The following CCDC32 variants were observed in gnomAD, a reference collection of about 807,000 sequenced individuals.
CCDC32 encodes the protein coiled-coil domain containing 32, also known as coiled-coil domain-containing protein 32.
A neutral mutation model predicts 20.1 loss-of-function variants in CCDC32; 9 were observed. That is an observed-to-expected ratio of 0.45 (90% CI 0.27 to 0.78). The LOEUF (loss-of-function observed/expected upper bound fraction) is 0.78, where lower values mean the gene tolerates loss of function less well. Among genes scored for constraint, CCDC32 ranks in the 30% least tolerant of loss-of-function variants. CCDC32 has a pLI of 0.16. For synonymous variants in CCDC32, 63 were observed against 79.0 expected (o/e 0.80, Z 1.07); for missense variants, 204 against 215.5 (o/e 0.95, Z 0.33).
downstream of CCDC32, among the ~76,000 whole-genome samples, chr15:40,548,242 CT>C: frequency 6.6e-6 from 1 of 152,272 alleles, no homozygotes. Flanking sequence ...TTGCAGTATT[CT>C]ACATCCTAAG....
At chr15:40,537,136 C>T (rs1889151942), downstream of CCDC32, 1 of 152,334 alleles carries the variant, frequency 6.6e-6, no homozygotes, top group Non-Finnish European at 1.5e-5. Context: ...CCAGGGGCTC[C>T]AGGCCTGGCA....
chr15:40,533,239 G>A (rs1039418079), downstream of CCDC32, among the ~76,000 whole-genome samples: 1 of 152,120 alleles, frequency 6.6e-6, no homozygotes, highest in Non-Finnish European at 1.5e-5. Context: ...TTGGTGTCAG[G>A]GTCGGGGGCA....
chr15:40,548,710 C>T (rs527294918), downstream of CCDC32, among the ~76,000 whole-genome samples: 4 of 152,198 alleles, frequency 2.6e-5, no homozygotes, highest in African/African-American at 7.2e-5. Flanking sequence ...TCTTACATGC[C>T]GGCTCAGAAC....
At chr15:40,531,194 A>C (rs953433025), downstream of CCDC32, 4 of 151,594 alleles carry the variant, frequency 2.6e-5, no homozygotes, top group African/African-American at 9.7e-5. Flanking sequence ...AGGTGGGTGA[A>C]GGATAGGAAA....
At chr15:40,534,783 C>A (rs1889037937), downstream of CCDC32, 1 of 657,568 alleles carries the variant, frequency 1.5e-6, no homozygotes, top group African/African-American at 1.8e-5. Context: ...ACCTAATTAC[C>A]TCCCCAAAGT....
chr15:40,536,027 T>C (rs972065423), downstream of CCDC32: 25 of 152,302 alleles, frequency 1.6e-4, no homozygotes, highest in African/African-American at 6.0e-4. Flanking sequence ...ACTCCCTTAA[T>C]CCAGCAGTGA....
At chr15:40,542,854 G>GAA (rs879726712) in intron 3 of CCDC32, among the ~76,000 whole-genome samples, 3 of 116,626 alleles carry the variant, frequency 2.6e-5, no homozygotes, top group African/African-American at 6.3e-5. Flanking sequence ...TGTCTCAAAA[G>GAA]AAAAAAAAAA....
intron 3 of CCDC32, 47 bp downstream of exon 3, chr15:40,557,169 C>G (rs377405749): frequency 7.7e-6 from 12 of 1,557,378 alleles, no homozygotes; most frequent in African/African-American, 2.8e-5. Context: ...AATAGAACAA[C>G]TACATAAAGG....
intron 3 of CCDC32, among the ~76,000 whole-genome samples, chr15:40,556,311 A>G (rs1163740609): frequency 6.6e-6 from 1 of 152,172 alleles, no homozygotes; most frequent in Non-Finnish European, 1.5e-5. Flanking sequence ...ACATTCTGTC[A>G]CTTCTACTCA....
chr15:40,561,537 G>T (rs1890634876), intron 2 of CCDC32, among the ~76,000 whole-genome samples: 1 of 151,964 alleles, frequency 6.6e-6, no homozygotes, highest in East Asian at 1.9e-4. Context: ...CTGGACTTTG[G>T]AGATTCAGAA....
chr15:40,525,710 C>A (rs1005642596), downstream of CCDC32, among the ~76,000 whole-genome samples: 1 of 152,140 alleles, frequency 6.6e-6, no homozygotes, highest in East Asian at 1.9e-4. Flanking sequence ...CTGCCTGACA[C>A]CCCTTGTTTC....
downstream of CCDC32, chr15:40,532,430 C>T (rs761760035): frequency 1.7e-4 from 103 of 608,346 alleles, no homozygotes; most frequent in Non-Finnish European, 2.6e-4. Context: ...TAGCAAGACA[C>T]TTATCAGGTA....
the CCDC32 span, among the ~76,000 whole-genome samples, chr15:40,521,887 TA>T: frequency 6.6e-6 from 1 of 152,218 alleles, no homozygotes; most frequent in East Asian, 1.9e-4. Context: ...GATTTGCAGA[TA>T]TTTTATGCCA....
intron 3 of CCDC32, among the ~76,000 whole-genome samples, chr15:40,555,552 G>A (rs867764594): frequency 2.2e-4 from 34 of 152,254 alleles, no homozygotes; most frequent in African/African-American, 7.2e-4. Flanking sequence ...ACTTAATTAG[G>A]TTGGACCTTT....
At chr15:40,546,765 C>T (rs1276548209) in intron 3 of CCDC32, among the ~76,000 whole-genome samples, 1 of 151,000 alleles carries the variant, frequency 6.6e-6, no homozygotes, top group African/African-American at 2.4e-5. Context: ...GTAGTGGGGC[C>T]ATCTCAGCTC....
At chr15:40,526,272 G>T (rs1321249442), downstream of CCDC32, among the ~76,000 whole-genome samples, 1 of 152,108 alleles carries the variant, frequency 6.6e-6, no homozygotes, top group Non-Finnish European at 1.5e-5. Context: ...TTAACAGGCT[G>T]GGCTCATGCT....
At chr15:40,524,373 A>G (rs893438844), downstream of CCDC32, among the ~76,000 whole-genome samples, 32 of 151,688 alleles carry the variant, frequency 2.1e-4, no homozygotes, top group East Asian at 4.3e-3. Context: ...AGCCAGGATG[A>G]TCTCGATCTC....
chr15:40,523,979 C>T (rs1463305552), downstream of CCDC32, among the ~76,000 whole-genome samples: 2 of 152,126 alleles, frequency 1.3e-5, no homozygotes, highest in East Asian at 1.9e-4. Flanking sequence ...CACAGAACAG[C>T]TGTACATGAA....
chr15:40,553,305 A>G lies in CCDC32; in HGVS notation c.*666T>C, dbSNP rs1889993244. 1.0e-6 allele frequency: 1 copy of G among 985,482 alleles called. No individual in the cohort carries two copies. The highest frequency in any genetic ancestry group is 1.2e-6 in the Non-Finnish European group (1 of 829,956). 61.0% of individuals were successfully genotyped at this position (985,482 alleles called of 1,614,324 possible). ...GCAGGAGGAAGTTGGAGGAGAAGCC[A>G]TGCATGAAGTAAAAAATACATATAC... On this transcript the variant is annotated 3_prime_UTR_variant, in exon 4 of 4. Coordinates refer to ENST00000416810, the MANE Select transcript of CCDC32 (RefSeq NM_001080792.4).
Sources: allele counts gnomAD v4.1 joint callset (sites outside exome capture counted in the v4.1 genomes callset), GRCh38; gene constraint gnomAD v4.1.1; transcripts MANE v1.5; gene names NCBI Gene and HGNC (gene_info 2026-07-23, HGNC 2026-07-21).